Variants in GRM8 observed in about 807,000 individuals in gnomAD.
GRM8 encodes the protein metabotropic glutamate receptor 8.
GRM8 carries 47 observed loss-of-function variants against 87.2 expected under a neutral mutation model. That is an observed-to-expected ratio of 0.54 (90% CI 0.43 to 0.69). The LOEUF is 0.69. GRM8 is among the 30% of genes least tolerant of loss of function. The pLI, the probability that GRM8 is intolerant of heterozygous loss-of-function variation, is 0.00. For missense variants in GRM8, 1,019 were observed against 1,139.2 expected (o/e 0.89, Z 1.52); for synonymous variants, 396 against 404.5 (o/e 0.98, Z 0.25).
At chr7:126,530,726 T>C (rs560052294) in intron 9 of GRM8, among the ~76,000 whole-genome samples, 123 of 152,394 alleles carry the variant, frequency 8.1e-4, no homozygotes, top group African/African-American at 2.9e-3. Flanking sequence ...AGCCTTCTTA[T>C]AGAGATATAC....
intron 3 of GRM8, among the ~76,000 whole-genome samples, chr7:126,907,281 A>AAGGGGAGGAG (rs1802808512): frequency 2.8e-5 from 4 of 144,256 alleles, no homozygotes; most frequent in Non-Finnish European, 4.5e-5. Context: ...AGGAGGAAGA[A>AAGGGGAGGAG]GAAAGGGGAG....
At chr7:126,453,003 C>T (rs535871114) in intron 9 of GRM8, among the ~76,000 whole-genome samples, 11 of 151,262 alleles carry the variant, frequency 7.3e-5, no homozygotes, top group African/African-American at 9.7e-5. Context: ...TCATTCTCCA[C>T]GTCAGAAACG....
At position 126,537,779 on chromosome 7, in the gene GRM8, A is replaced by AAAAC. The variant is rs368552091; in HGVS notation, c.1495-3896_1495-3893dup. Among the ~76,000 whole-genome samples, 996 of 152,230 alleles carry AAAAC rather than the reference A, an allele frequency of 6.5e-3. 4 individuals carry two copies. Among genetic ancestry groups the AAAAC allele is most frequent in the African/African-American group, 0.017 (715 of 41,520 alleles). On this transcript the variant is annotated intron_variant, in intron 8 of 10. Transcript: ENST00000339582. ...GTGACAGAGCGAGACTCCGTCAAAAAAAACAAACAAACAAACAAACAAAAA... is the reference window on the plus strand; with the variant it reads ...GTGACAGAGCGAGACTCCGTCAAAAAAAACAAACAAACAAACAAACAAACAAAAA...
chr7:126,446,365 A>G lies in GRM8; in HGVS notation c.2438T>C (p.Ile813Thr). The G allele has an allele frequency of 6.3e-7, 1 of 1,596,824 alleles. No homozygotes were observed. Among genetic ancestry groups the G allele is most frequent in the Non-Finnish European group, 8.6e-7 (1 of 1,168,124 alleles). Residue 813 changes from isoleucine (I) to threonine (T), a missense_variant, in exon 10 of 11, where the codon ATC becomes ACC. Ile to Thr is a moderately conservative substitution (Grantham distance 89). Coordinates refer to ENST00000339582, the MANE Select transcript of GRM8 (RefSeq NM_000845.3). ...GGAGACAGTAAGTGTTGTTGTCTGG[A>G]TGTACATCTGAGGGAAGAAAAAAAA... is the stretch of plus-strand genomic sequence containing the variant. ...GTAQSAEKMY[I>T]QTTTLTVSMS...
At position 127,015,059 on chromosome 7, in the gene GRM8, AAGAAG is replaced by A. The variant is rs1442278218; in HGVS notation, c.727+91432_727+91436del. Among the ~76,000 whole-genome samples, 443 of 117,026 alleles carry A rather than the reference AAGAAG, an allele frequency of 3.8e-3. 5 individuals are homozygous for A. Among genetic ancestry groups the A allele is most frequent in the East Asian group, 8.8e-3 (38 of 4,296 alleles). 76.8% of individuals were successfully genotyped at this position (117,026 alleles called of 152,430 possible). A position where few individuals can be genotyped will look rare whatever the true frequency, so the allele number is the denominator to read the frequency against. On this transcript the variant is annotated intron_variant, in intron 3 of 10. Transcript: ENST00000339582. ...GAAGAAGAAGAAGAAGAAGAAGAAG[AAGAAG>A]AAGAAAGAAAGAAGGAGAAGAAGGA...
chr7:127,089,737 A>G (rs1245132064), intron 3 of GRM8, among the ~76,000 whole-genome samples: 1 of 152,214 alleles, frequency 6.6e-6, no homozygotes, highest in Non-Finnish European at 1.5e-5. Flanking sequence ...CTAAAGGTAC[A>G]CACACAGTGT....
chr7:126,988,596 G>A (rs1812342512), intron 3 of GRM8, among the ~76,000 whole-genome samples: 1 of 152,050 alleles, frequency 6.6e-6, no homozygotes, highest in Non-Finnish European at 1.5e-5. Flanking sequence ...TCATTTTTCT[G>A]CCAGCAAAGC....
At chr7:126,526,720 T>A (rs1370907918) in intron 9 of GRM8, among the ~76,000 whole-genome samples, 3 of 152,172 alleles carry the variant, frequency 2.0e-5, no homozygotes, top group African/African-American at 7.2e-5. Flanking sequence ...AGGATTAATA[T>A]GTAGCACAAT....
At chr7:127,074,845 T>C (rs1261916154) in intron 3 of GRM8, among the ~76,000 whole-genome samples, 1 of 152,174 alleles carries the variant, frequency 6.6e-6, no homozygotes, top group African/African-American at 2.4e-5. Context: ...TTGGATTCAC[T>C]GACAGAGTCA....
intron 3 of GRM8, among the ~76,000 whole-genome samples, chr7:127,068,076 G>A (rs1821312730): frequency 6.6e-6 from 1 of 152,096 alleles, no homozygotes; most frequent in African/African-American, 2.4e-5. Context: ...ACCATGATAT[G>A]GTGAGCCTTG....
chr7:126,657,713 A>G (rs905243876), intron 7 of GRM8, among the ~76,000 whole-genome samples: 1 of 152,240 alleles, frequency 6.6e-6, no homozygotes, highest in African/African-American at 2.4e-5. Context: ...TGTTTGCATA[A>G]ACCTAATGAC....
chr7:127,020,147 C>T (rs1816111983), intron 3 of GRM8, among the ~76,000 whole-genome samples: 1 of 152,030 alleles, frequency 6.6e-6, no homozygotes, highest in Non-Finnish European at 1.5e-5. Context: ...AGCATGCAGA[C>T]CATAAAAAGA....
chr7:126,690,868 G>A (rs995864592), intron 7 of GRM8, among the ~76,000 whole-genome samples: 1 of 152,038 alleles, frequency 6.6e-6, no homozygotes, highest in Admixed American at 6.6e-5. Context: ...ACCAAATGAT[G>A]GTCAGCTCAT....
intron 2 of GRM8, among the ~76,000 whole-genome samples, chr7:127,207,279 T>C (rs988437074): frequency 1.3e-5 from 2 of 152,196 alleles, no homozygotes; most frequent in African/African-American, 4.8e-5. Flanking sequence ...ACCCTTATTT[T>C]CAGGACCCTT....
intron 7 of GRM8, among the ~76,000 whole-genome samples, chr7:126,742,915 C>T (rs34548930): frequency 8.6e-5 from 13 of 151,300 alleles, no homozygotes; most frequent in Non-Finnish European, 1.5e-5. Context: ...AAGTTTTCTG[C>T]GGGAAGGGAC....
intron 5 of GRM8, among the ~76,000 whole-genome samples, chr7:126,903,373 T>C (rs953796823): frequency 2.6e-5 from 4 of 151,942 alleles, no homozygotes; most frequent in African/African-American, 4.8e-5. Flanking sequence ...TATTTATCCA[T>C]AGGATAAGCC....
chr7:126,779,224 C>A (rs939432169), intron 6 of GRM8, among the ~76,000 whole-genome samples: 2 of 151,968 alleles, frequency 1.3e-5, no homozygotes, highest in Admixed American at 6.6e-5. Context: ...ATAAGTTTTT[C>A]ATTTTCCAAA....
At chr7:126,986,780 A>G (rs963496128) in intron 3 of GRM8, among the ~76,000 whole-genome samples, 2 of 152,236 alleles carry the variant, frequency 1.3e-5, no homozygotes, top group African/African-American at 2.4e-5. Context: ...AGTACAGAAG[A>G]CATAAGTCAT....
chr7:126,593,104 T>A (rs1054698682), intron 8 of GRM8, among the ~76,000 whole-genome samples: 1 of 151,840 alleles, frequency 6.6e-6, no homozygotes, highest in Non-Finnish European at 1.5e-5. Flanking sequence ...GTGAAAAAAT[T>A]TGAAAGGATA....
Sources: allele counts gnomAD v4.1 joint callset (sites outside exome capture counted in the v4.1 genomes callset), GRCh38; gene constraint gnomAD v4.1.1; transcripts MANE v1.5; gene names NCBI Gene and HGNC (gene_info 2026-07-23, HGNC 2026-07-21).